CEP95: variants seen among roughly 807,000 people sequenced by gnomAD.
The protein encoded by CEP95 is centrosomal protein 95.
Under a neutral mutation model 111.2 loss-of-function variants are expected in CEP95, and 98 were observed. The ratio of observed to expected loss-of-function variants is 0.88; its 90% confidence interval spans 0.75 to 1.04. CEP95 has a LOEUF of 1.04. Ranked by LOEUF, CEP95 falls within the 50% of genes least tolerant of loss-of-function variation. The probability of loss-of-function intolerance (pLI) is 0.00; values close to 1 mark genes in which losing one functional copy is unlikely to be tolerated. For missense variants in CEP95, 1,027 were observed against 977.2 expected, an observed-to-expected ratio of 1.05 and a Z score of -0.68; for synonymous variants, 323 against 327.1, an observed-to-expected ratio of 0.99 and a Z score of 0.14.
rs782502570 is a variant in CEP95, at chr17:64,519,333, T to C, written c.486T>C (p.Ser162=). 12 of 1,613,656 alleles carry C rather than the reference T, an allele frequency of 7.4e-6. No homozygotes were observed. The South Asian group carries it at 1.3e-4, about 18-fold the overall frequency. The part of the protein sequence containing the change: ...KRVSFGRCSL[S]SEMLGPSWDG... ...GGAACTTTTCCAGGTGCTCCTTGTC[T>C]TCTGAGATGTTGGGCCCCTCTTGGG... The change falls in exon 6 of 20, where the codon TCT becomes TCC. Residue 162 remains serine (S), a synonymous_variant. Transcript: ENST00000556440.
chr17:64,532,514 A>G (rs1191209057), intron 14 of CEP95: 3 of 985,412 alleles, frequency 3.0e-6, no homozygotes, highest in Non-Finnish European at 3.6e-6. Flanking sequence ...TTTTCTTCTA[A>G]GCACTTGCCT....
intron 7 of CEP95, 102 bp downstream of exon 7, chr17:64,521,629 T>G (rs1967345040): frequency 9.8e-7 from 1 of 1,021,800 alleles, no homozygotes; most frequent in East Asian, 2.8e-5. Context: ...TATGAGATCC[T>G]TTTTGGTCTT....
intron 6 of CEP95, among the ~76,000 whole-genome samples, chr17:64,520,332 G>T (rs1967217748): frequency 6.6e-6 from 1 of 152,158 alleles, no homozygotes; most frequent in Non-Finnish European, 1.5e-5. Context: ...CCTGGCCAAG[G>T]TGTTTGGGTT....
At chr17:64,534,465 C>T (rs1968508203) in intron 16 of CEP95, 120 bp from the exon 17 acceptor site, 1 of 864,254 alleles carries the variant, frequency 1.2e-6, no homozygotes, top group Non-Finnish European at 1.8e-6. Context: ...GGGCCACTGG[C>T]CCCCCACACG....
chr17:64,527,876 A>G (rs1321761354), intron 11 of CEP95, among the ~76,000 whole-genome samples: 1 of 140,496 alleles, frequency 7.1e-6, no homozygotes, highest in African/African-American at 2.5e-5. Context: ...GTGTGTATAT[A>G]TATATATATA....
chr17:64,524,475 AT>A (rs1170092713), intron 8 of CEP95, among the ~76,000 whole-genome samples: 7 of 151,672 alleles, frequency 4.6e-5, no homozygotes, highest in Non-Finnish European at 7.4e-5. Flanking sequence ...CACCTGGCTG[AT>A]TTTTTTTAAA....
rs1373982003 is a variant in CEP95, at chr17:64,510,259, G to A, written c.235G>A (p.Val79Ile). ...TTCACTGGCCTTGGACTACTTGCAGGTCAGCTTGTCTCACATAACAGGTTG... is the reference window on the plus strand; with the variant it reads ...TTCACTGGCCTTGGACTACTTGCAGATCAGCTTGTCTCACATAACAGGTTG... The part of the protein sequence containing the change: ...IDSLALDYLQ[V>I]SLSHITGENI... The change falls in exon 3 of 20, where the codon GTC becomes ATC. Residue 79 changes from valine (V) to isoleucine (I), a missense_variant. Coordinates refer to ENST00000556440, the MANE Select transcript of CEP95 (RefSeq NM_138363.3). 3.1e-6 allele frequency: 5 copies of A among 1,605,846 alleles called. No individual in the cohort carries two copies. Among genetic ancestry groups the A allele is most frequent in the South Asian group, 1.1e-5 (1 of 90,206 alleles).
chr17:64,517,082 TGTTGCCCA>T (rs1555676544), intron 5 of CEP95, among the ~76,000 whole-genome samples: 1 of 152,254 alleles, frequency 6.6e-6, no homozygotes, highest in East Asian at 1.9e-4. Flanking sequence ...AGTCTCATTC[TGTTGCCCA>T]GGCTGGAGTG....
intron 14 of CEP95, 153 bp from the exon 15 acceptor site, chr17:64,532,686 C>T: frequency 4.2e-6 from 6 of 1,434,314 alleles, no homozygotes; most frequent in Non-Finnish European, 5.5e-6. Flanking sequence ...TTACTCCAAT[C>T]AGAGGAGTAA....
chr17:64,514,640 A>G, intron 4 of CEP95: 2 of 398,404 alleles, frequency 5.0e-6, no homozygotes, highest in Non-Finnish European at 8.9e-6. Flanking sequence ...TTGTCCTATG[A>G]TTGCATAAAA....
At chr17:64,507,512 C>T in intron 1 of CEP95, 3 of 1,148,562 alleles carry the variant, frequency 2.6e-6, no homozygotes, top group Non-Finnish European at 3.2e-6. Context: ...GAACAGCATT[C>T]TTAAGATTTA....
intron 19 of CEP95, 168 bp downstream of exon 19, chr17:64,537,280 CAA>C: frequency 1.4e-6 from 2 of 1,401,942 alleles, no homozygotes; most frequent in Non-Finnish European, 1.9e-6. Context: ...TGCACAACAA[CAA>C]AATCATTTAA....
intron 12 of CEP95, 149 bp downstream of exon 12, chr17:64,529,576 CTTA>C: frequency 2.2e-5 from 17 of 782,688 alleles, no homozygotes; most frequent in Non-Finnish European, 3.0e-5. Flanking sequence ...TGTGACATAG[CTTA>C]TGTCTTTGTT....
chr17:64,537,474 A>G, intron 19 of CEP95, 129 bp from the exon 20 acceptor site: 1 of 1,414,396 alleles, frequency 7.1e-7, no homozygotes. Flanking sequence ...AGGTCTCTGT[A>G]AGAGCTGCTG....
At chr17:64,506,897 G>A, upstream of CEP95, 1 of 666,544 alleles carries the variant, frequency 1.5e-6, no homozygotes, top group Non-Finnish European at 2.7e-6. Context: ...CCCGTTTCAC[G>A]TCCTGTGAAA....
chr17:64,526,882 C>T (rs528906142), intron 10 of CEP95, among the ~76,000 whole-genome samples: 1 of 152,314 alleles, frequency 6.6e-6, no homozygotes, highest in Non-Finnish European at 1.5e-5. Flanking sequence ...ATCACTGGAA[C>T]CCAGTAGGCA....
At chr17:64,530,136 T>TG (rs1968157169) in intron 12 of CEP95, among the ~76,000 whole-genome samples, 1 of 152,148 alleles carries the variant, frequency 6.6e-6, no homozygotes. Context: ...GCAGTGGCCC[T>TG]GCACTTTGGG....
chr17:64,512,209 G>A (rs1224014982), intron 3 of CEP95, among the ~76,000 whole-genome samples: 1 of 152,188 alleles, frequency 6.6e-6, no homozygotes, highest in African/African-American at 2.4e-5. Flanking sequence ...TAAAAACAAA[G>A]GTGTGCAGAA....
In CEP95 at chr17:64,537,929, A is replaced by G; in HGVS notation, c.*150A>G. 1 of 452,696 alleles carries G rather than the reference A, an allele frequency of 2.2e-6. No homozygotes were observed. The highest frequency in any genetic ancestry group is 4.3e-5 in the Admixed American group (1 of 23,090). 28.0% of individuals were successfully genotyped at this position (452,696 alleles called of 1,614,324 possible). On this transcript the variant is annotated 3_prime_UTR_variant, in exon 20 of 20. Coordinates refer to ENST00000556440, the MANE Select transcript of CEP95 (RefSeq NM_138363.3). ...CAGTACTTTTTATGATTTTTTAAATAAAAATTGTTTTCTAAAAGCTTATTG... is the reference window on the plus strand; with the variant it reads ...CAGTACTTTTTATGATTTTTTAAATGAAAATTGTTTTCTAAAAGCTTATTG...
Sources: gnomAD v4.1 joint callset for allele counts (sites outside exome capture counted in the v4.1 genomes callset) on GRCh38, gnomAD v4.1.1 for gene constraint, MANE v1.5 for transcripts, NCBI Gene and HGNC (gene_info 2026-07-23, HGNC 2026-07-21) for gene names.